Variants in DCC observed in about 807,000 individuals in gnomAD.
The protein encoded by DCC is netrin receptor DCC.
In DCC, 58 loss-of-function variants were observed where a neutral mutation model predicts 172.5. That is an observed-to-expected ratio of 0.34 (90% CI 0.27 to 0.42). The LOEUF is 0.42. Ranked by LOEUF, DCC falls within the 10% of genes least tolerant of loss-of-function variation. The probability of loss-of-function intolerance (pLI) is 1.00; values close to 1 mark genes in which losing one functional copy is unlikely to be tolerated. For missense variants in DCC, 1,740 were observed against 1,791.0 expected (o/e 0.97, Z 0.51); for synonymous variants, 709 against 644.5 (o/e 1.10, Z -1.52).
rs111446814 is a variant in DCC, at chr18:52,943,078, A to G, written c.985+17708A>G. ...TTATTTATACCTCTTTTGTTTTAAT[A>G]CCATTTTGATGTTTGTTTGTATCTT... On this transcript the variant is annotated intron_variant, in intron 5 of 28. Transcript: ENST00000442544. Among the ~76,000 whole-genome samples, 1,397 of 152,256 alleles carry G rather than the reference A, an allele frequency of 9.2e-3. 32 individuals carry two copies. Among genetic ancestry groups the G allele is most frequent in the African/African-American group, 0.031 (1,303 of 41,558 alleles).
intron 22 of DCC, among the ~76,000 whole-genome samples, chr18:53,437,693 A>G (rs1262357260): frequency 2.0e-5 from 3 of 152,122 alleles, no homozygotes; most frequent in African/African-American, 7.2e-5. Context: ...ATAAGTAACA[A>G]TAATTCCCTC....
At chr18:53,015,427 A>G (rs2041794598) in intron 5 of DCC, among the ~76,000 whole-genome samples, 1 of 152,118 alleles carries the variant, frequency 6.6e-6, no homozygotes, top group Admixed American at 6.5e-5. Context: ...GCTCAAGTTT[A>G]TTGAACACTT....
chr18:52,671,374 C>T (rs1295109852), intron 1 of DCC, among the ~76,000 whole-genome samples: 1 of 152,090 alleles, frequency 6.6e-6, no homozygotes, highest in Non-Finnish European at 1.5e-5. Flanking sequence ...GCTCCCTCAC[C>T]TTGCTGGCTC....
intron 1 of DCC, among the ~76,000 whole-genome samples, chr18:52,414,014 C>T (rs991100952): frequency 6.6e-6 from 1 of 152,178 alleles, no homozygotes; most frequent in Non-Finnish European, 1.5e-5. Flanking sequence ...CTCTTAGATG[C>T]ATGAGGATAT....
chr18:53,234,212 C>A (rs963962757), intron 12 of DCC, among the ~76,000 whole-genome samples: 1 of 151,726 alleles, frequency 6.6e-6, no homozygotes, highest in South Asian at 2.1e-4. Flanking sequence ...ATCGCACCAT[C>A]GCACTCCAGC....
chr18:53,349,654 G>A (rs1372323860), intron 15 of DCC, among the ~76,000 whole-genome samples: 2 of 152,206 alleles, frequency 1.3e-5, no homozygotes, highest in Non-Finnish European at 2.9e-5. Context: ...TGAAGGCAAG[G>A]AAGAGCAAAT....
intron 19 of DCC, among the ~76,000 whole-genome samples, chr18:53,408,488 C>T (rs1431242901): frequency 2.0e-5 from 3 of 152,126 alleles, no homozygotes; most frequent in South Asian, 2.1e-4. Flanking sequence ...AGAAGAGAGT[C>T]GGGTATCTGC....
chr18:53,023,480 A>G (rs867940769), intron 5 of DCC, among the ~76,000 whole-genome samples: 1 of 151,100 alleles, frequency 6.6e-6, no homozygotes, highest in Non-Finnish European at 1.5e-5. Flanking sequence ...AATGTTAAAA[A>G]TCTGGACCCT....
At chr18:52,388,226 T>C (rs1408026177) in intron 1 of DCC, among the ~76,000 whole-genome samples, 2 of 151,974 alleles carry the variant, frequency 1.3e-5, no homozygotes, top group Non-Finnish European at 2.9e-5. Context: ...AATTGAGGCA[T>C]TAGGAGAAGG....
intron 12 of DCC, among the ~76,000 whole-genome samples, chr18:53,267,350 C>A (rs1246315171): frequency 6.6e-6 from 1 of 152,074 alleles, no homozygotes; most frequent in Non-Finnish European, 1.5e-5. Context: ...CCATGCCTAA[C>A]TAACTTTTGT....
At chr18:53,374,985 A>G (rs2058095025) in intron 15 of DCC, among the ~76,000 whole-genome samples, 1 of 152,186 alleles carries the variant, frequency 6.6e-6, no homozygotes, top group Non-Finnish European at 1.5e-5. Flanking sequence ...CTCAGTGTTT[A>G]TCCTGCAGTG....
At chr18:53,461,503 T>C (rs954751602) in intron 24 of DCC, among the ~76,000 whole-genome samples, 20 of 152,186 alleles carry the variant, frequency 1.3e-4, no homozygotes, top group Non-Finnish European at 2.4e-4. Context: ...TACATATGGC[T>C]AGCCAGTTTT....
chr18:52,604,055 A>T (rs2034077731), intron 1 of DCC, among the ~76,000 whole-genome samples: 1 of 152,080 alleles, frequency 6.6e-6, no homozygotes, highest in Admixed American at 6.6e-5. Context: ...GTGGCATCTA[A>T]GATGATAAGT....
At chr18:53,527,273 C>T (rs1249439789) in intron 28 of DCC, among the ~76,000 whole-genome samples, 1 of 150,796 alleles carries the variant, frequency 6.6e-6, no homozygotes, top group Non-Finnish European at 1.5e-5. Flanking sequence ...AGTGGCTATT[C>T]ACAGGCACAA....
rs2040058105 is a variant in DCC, at chr18:52,917,362, C to T, written c.698-6345C>T. On this transcript the variant is annotated intron_variant, in intron 3 of 28. Coordinates refer to ENST00000442544, the MANE Select transcript of DCC (RefSeq NM_005215.4). Reference sequence around the variant, plus strand: ...TTTAATGAACAAATATTTTAAAAATCTGTTTTGATTTTTAGTATGGAATGT... The same window carrying T: ...TTTAATGAACAAATATTTTAAAAATTTGTTTTGATTTTTAGTATGGAATGT... Among the ~76,000 whole-genome samples, 2 of 152,032 alleles carry T rather than the reference C, an allele frequency of 1.3e-5. 1 individual carries two copies. The highest frequency in any genetic ancestry group is 4.2e-4 in the South Asian group (2 of 4,812).
intron 12 of DCC, among the ~76,000 whole-genome samples, chr18:53,280,081 C>A (rs2056853729): frequency 6.6e-6 from 1 of 152,074 alleles, no homozygotes; most frequent in African/African-American, 2.4e-5. Flanking sequence ...TACCCATGAA[C>A]CTAAAACAAA....
chr18:52,617,293 T>C (rs1270785904), intron 1 of DCC, among the ~76,000 whole-genome samples: 1 of 152,142 alleles, frequency 6.6e-6, no homozygotes, highest in African/African-American at 2.4e-5. Flanking sequence ...AGATAGAGAA[T>C]AGTGGAGTTG....
intron 5 of DCC, among the ~76,000 whole-genome samples, chr18:53,053,603 T>C (rs1413944257): frequency 2.0e-5 from 3 of 152,100 alleles, no homozygotes; most frequent in Non-Finnish European, 4.4e-5. Flanking sequence ...GACAGAGAAA[T>C]AGTTCTCATG....
intron 7 of DCC, among the ~76,000 whole-genome samples, chr18:53,073,481 G>A (rs1426640700): frequency 6.6e-6 from 1 of 152,104 alleles, no homozygotes; most frequent in Non-Finnish European, 1.5e-5. Context: ...AGCCGAGATA[G>A]CACCACTGCA....
Sources: allele counts gnomAD v4.1 joint callset (sites outside exome capture counted in the v4.1 genomes callset), GRCh38; gene constraint gnomAD v4.1.1; transcripts MANE v1.5; gene names NCBI Gene and HGNC (gene_info 2026-07-23, HGNC 2026-07-21).